DPP6: variants seen among roughly 807,000 people sequenced by gnomAD.
The protein encoded by DPP6 is dipeptidyl peptidase like 6, also known as A-type potassium channel modulatory protein DPP6.
Under a neutral mutation model 122.6 loss-of-function variants are expected in DPP6, and 69 were observed. The observed-to-expected ratio is 0.56, with a 90% CI of 0.46 to 0.69. The LOEUF (loss-of-function observed/expected upper bound fraction) is 0.69. Ranked by LOEUF, DPP6 falls within the 30% of genes least tolerant of loss-of-function variation. The pLI is 0.00. For synonymous variants in DPP6, 418 were observed against 433.1 expected (o/e 0.97, Z 0.43); for missense variants, 928 against 1,116.9 (o/e 0.83, Z 2.41).
At chr7:154,703,161 T>A (rs970605197) in intron 7 of DPP6, among the ~76,000 whole-genome samples, 1 of 152,160 alleles carries the variant, frequency 6.6e-6, no homozygotes, top group Non-Finnish European at 1.5e-5. Context: ...AAGAAAGATT[T>A]CCTTTAAGAT....
chr7:153,817,475 G>T, the DPP6 span, among the ~76,000 whole-genome samples: 2 of 149,476 alleles, frequency 1.3e-5, no homozygotes, highest in African/African-American at 4.9e-5. Context: ...GGAAGGGAAG[G>T]ATTTCACACA....
intron 17 of DPP6, among the ~76,000 whole-genome samples, chr7:154,855,747 C>A (rs1222514068): frequency 6.6e-6 from 1 of 152,242 alleles, no homozygotes; most frequent in Non-Finnish European, 1.5e-5. Context: ...ATGTTTGAAA[C>A]ACCTGTGCTA....
chr7:154,324,634 C>G (rs1808265649), intron 1 of DPP6, among the ~76,000 whole-genome samples: 1 of 152,068 alleles, frequency 6.6e-6, no homozygotes. Flanking sequence ...TGTTTCCTGG[C>G]CTGACGGGGC....
intron 17 of DPP6, among the ~76,000 whole-genome samples, chr7:154,859,718 G>C (rs1803182753): frequency 6.6e-6 from 1 of 152,158 alleles, no homozygotes; most frequent in Non-Finnish European, 1.5e-5. Context: ...TACTCATTTG[G>C]TGCCTGGATA....
At chr7:154,420,185 A>C (rs1279666908) in intron 1 of DPP6, among the ~76,000 whole-genome samples, 3 of 152,110 alleles carry the variant, frequency 2.0e-5, no homozygotes, top group Non-Finnish European at 2.9e-5. Context: ...AAAAGCACAA[A>C]AATTAGCTGG....
At position 153,901,507 on chromosome 7, in the gene DPP6, A is replaced by G. The variant is rs185212343; in HGVS notation, c.51+13773A>G. On this transcript the variant is annotated intron_variant, in intron 1 of 25. Transcript: ENST00000404039. Reference sequence around the variant, plus strand: ...TGGTTAGAAGAGGAAATTGCCCTTCATAAAGCAACACAGAAGAAGGTAAGG... The same window carrying G: ...TGGTTAGAAGAGGAAATTGCCCTTCGTAAAGCAACACAGAAGAAGGTAAGG... 6.4e-3 allele frequency among the ~76,000 whole-genome samples: 974 copies of G among 152,366 alleles called. 15 individuals are homozygous for G. Among genetic ancestry groups the G allele is most frequent in the Non-Finnish European group, 5.7e-3 (391 of 68,042 alleles).
intron 1 of DPP6, among the ~76,000 whole-genome samples, chr7:154,088,746 G>T (rs1476773455): frequency 5.3e-5 from 8 of 151,906 alleles, no homozygotes; most frequent in African/African-American, 1.7e-4. Flanking sequence ...ACTGTGCTCA[G>T]TTCTAGGAGA....
At chr7:154,635,463 AC>A (rs1333148104) in intron 5 of DPP6, among the ~76,000 whole-genome samples, 1 of 152,258 alleles carries the variant, frequency 6.6e-6, no homozygotes, top group Non-Finnish European at 1.5e-5. Context: ...CTGGAAGTTT[AC>A]AAAGAAGAAA....
chr7:153,898,183 T>G (rs1799488039), intron 1 of DPP6, among the ~76,000 whole-genome samples: 1 of 152,206 alleles, frequency 6.6e-6, no homozygotes, highest in Non-Finnish European at 1.5e-5. Flanking sequence ...CTGGGTGCAG[T>G]GGCTCACACC....
At chr7:154,751,409 G>A (rs1290398773) in intron 8 of DPP6, among the ~76,000 whole-genome samples, 5 of 151,560 alleles carry the variant, frequency 3.3e-5, no homozygotes, top group African/African-American at 9.7e-5. Context: ...AGACCAGCCT[G>A]GCCAACATGG....
At chr7:154,703,031 T>G (rs1358965746) in intron 7 of DPP6, among the ~76,000 whole-genome samples, 2 of 152,234 alleles carry the variant, frequency 1.3e-5, no homozygotes, top group Admixed American at 6.5e-5. Flanking sequence ...TTAAGAGTGA[T>G]GTTAAGTCTA....
intron 1 of DPP6, among the ~76,000 whole-genome samples, chr7:154,112,695 G>GA (rs1806678522): frequency 6.6e-6 from 1 of 151,702 alleles, no homozygotes; most frequent in Non-Finnish European, 1.5e-5. Context: ...ATAAAACAGG[G>GA]AAAAAAACAT....
chr7:154,727,754 C>T lies in DPP6; in HGVS notation c.763-13C>T. On this transcript the variant is annotated splice_polypyrimidine_tract_variant and intron_variant, in intron 7 of 25. Transcript: ENST00000377770. ...CTTGCTTAATATTATGCTTTTTTCT[C>T]TTTCCAAATTAGATATTTATTTTTG... 1.3e-6 allele frequency: 2 copies of T among 1,598,914 alleles called. No individual in the cohort carries two copies. The highest frequency in any genetic ancestry group is 1.1e-5 in the South Asian group (1 of 87,942).
intron 4 of DPP6, among the ~76,000 whole-genome samples, chr7:154,547,070 T>A (rs1225162688): frequency 6.6e-6 from 1 of 152,238 alleles, no homozygotes; most frequent in East Asian, 1.9e-4. Flanking sequence ...AAGCACAGGA[T>A]GTTCTGACAG....
chr7:153,930,718 G>A (rs966929534), intron 1 of DPP6, among the ~76,000 whole-genome samples: 2 of 152,098 alleles, frequency 1.3e-5, no homozygotes, highest in African/African-American at 4.8e-5. Flanking sequence ...TCATGCAATT[G>A]GCTCAAAAAT....
chr7:153,844,294 A>C, the DPP6 span, among the ~76,000 whole-genome samples: 1 of 152,218 alleles, frequency 6.6e-6, no homozygotes, highest in Non-Finnish European at 1.5e-5. Flanking sequence ...ATTTAAATGA[A>C]CCATAGCAAT....
chr7:153,923,946 C>G (rs1430094446), intron 1 of DPP6, among the ~76,000 whole-genome samples: 1 of 151,878 alleles, frequency 6.6e-6, no homozygotes, highest in Non-Finnish European at 1.5e-5. Context: ...CTCAGCCATG[C>G]TATGGTTTAA....
chr7:154,868,189 G>A, intron 18 of DPP6, 96 bp downstream of exon 18: 1 of 1,469,762 alleles, frequency 6.8e-7, no homozygotes, highest in Admixed American at 2.2e-5. Flanking sequence ...CTGCAAGGAA[G>A]ACTCCCCAAG....
intron 1 of DPP6, among the ~76,000 whole-genome samples, chr7:154,155,494 C>T (rs1796632345): frequency 6.6e-6 from 1 of 152,160 alleles, no homozygotes; most frequent in Non-Finnish European, 1.5e-5. Context: ...AACTGTTAGC[C>T]TTCCAATACT....
Sources: allele counts gnomAD v4.1 joint callset (sites outside exome capture counted in the v4.1 genomes callset), GRCh38; gene constraint gnomAD v4.1.1; transcripts MANE v1.5; gene names NCBI Gene and HGNC (gene_info 2026-07-23, HGNC 2026-07-21).